Variants in USP12 observed in about 807,000 individuals in gnomAD.
USP12 encodes the protein ubiquitin specific peptidase 12, also known as ubiquitin carboxyl-terminal hydrolase 12.
USP12 carries 19 observed loss-of-function variants against 45.5 expected under a neutral mutation model. That is an observed-to-expected ratio of 0.42 (90% CI 0.29 to 0.61). The LOEUF (loss-of-function observed/expected upper bound fraction) is 0.61. Ranked by LOEUF, USP12 falls within the 20% of genes least tolerant of loss-of-function variation. The pLI is 0.22. For missense variants in USP12, 242 were observed against 447.7 expected (o/e 0.54, Z 4.15); for synonymous variants, 149 against 148.8 (o/e 1.00, Z -0.01).
intron 1 of USP12, among the ~76,000 whole-genome samples, chr13:27,171,291 G>T (rs909476959): frequency 1.1e-4 from 17 of 149,838 alleles, no homozygotes; most frequent in Non-Finnish European, 2.1e-4. Flanking sequence ...TTCAGCCGGG[G>T]ACTCCCGGAG....
At chr13:27,141,990 C>T (rs1391651652) in intron 1 of USP12, among the ~76,000 whole-genome samples, 2 of 143,050 alleles carry the variant, frequency 1.4e-5, no homozygotes, top group Admixed American at 6.7e-5. Flanking sequence ...TACATGATGG[C>T]GTGTGCCTGC....
chr13:27,121,237 C>T (rs3858763), intron 1 of USP12, among the ~76,000 whole-genome samples: 28,193 of 151,138 alleles, frequency 0.19, 3,235 homozygotes, highest in South Asian at 0.29. Context: ...AACATCTTCC[C>T]AAAATTCATA....
At chr13:27,165,449 T>C (rs1486948196) in intron 1 of USP12, among the ~76,000 whole-genome samples, 3 of 152,124 alleles carry the variant, frequency 2.0e-5, no homozygotes, top group Non-Finnish European at 2.9e-5. Context: ...ACAGATTAAT[T>C]AGTAGTGCCA....
At chr13:27,070,369 T>C (rs1035111148) in intron 8 of USP12, among the ~76,000 whole-genome samples, 2 of 152,156 alleles carry the variant, frequency 1.3e-5, no homozygotes, top group African/African-American at 4.8e-5. Context: ...AAATGAATTG[T>C]ATCTTGACCT....
At chr13:27,091,490 C>A (rs1354379483) in intron 4 of USP12, among the ~76,000 whole-genome samples, 1 of 152,260 alleles carries the variant, frequency 6.6e-6, no homozygotes, top group South Asian at 2.1e-4. Flanking sequence ...TGGTGCCAAG[C>A]GGTCATCAAG....
At chr13:27,099,007 G>A (rs1206005909) in intron 3 of USP12, among the ~76,000 whole-genome samples, 1 of 152,200 alleles carries the variant, frequency 6.6e-6, no homozygotes, top group East Asian at 1.9e-4. Context: ...TCTGAGGGGG[G>A]CAGATCACCT....
At chr13:27,124,028 A>T (rs1488480245) in intron 1 of USP12, among the ~76,000 whole-genome samples, 9 of 152,234 alleles carry the variant, frequency 5.9e-5, no homozygotes, top group Admixed American at 5.9e-4. Context: ...TATATATTAA[A>T]TGTGTGAGCA....
At chr13:27,091,289 A>G (rs1031268330) in intron 4 of USP12, among the ~76,000 whole-genome samples, 1 of 152,240 alleles carries the variant, frequency 6.6e-6, no homozygotes, top group African/African-American at 2.4e-5. Context: ...TGTAAGCTAC[A>G]GAGAAGTAAA....
At chr13:27,126,061 C>G (rs1258161331) in intron 1 of USP12, among the ~76,000 whole-genome samples, 2 of 152,372 alleles carry the variant, frequency 1.3e-5, no homozygotes, top group Non-Finnish European at 2.9e-5. Flanking sequence ...GAACAAAAGG[C>G]AGCAGACAGC....
chr13:27,097,947 T>A (rs930862637), intron 3 of USP12, among the ~76,000 whole-genome samples: 3 of 151,754 alleles, frequency 2.0e-5, no homozygotes, highest in Non-Finnish European at 4.4e-5. Flanking sequence ...ATTTGTTTCA[T>A]ATACACCTTA....
At chr13:27,133,626 CAAAAA>C (rs11365356) in intron 1 of USP12, among the ~76,000 whole-genome samples, 1 of 103,422 alleles carries the variant, frequency 9.7e-6, no homozygotes, top group Non-Finnish European at 2.0e-5. Context: ...GACTCTGTCT[CAAAAA>C]AAAAAAAAAA....
chr13:27,089,848 A>G (rs1339062818), intron 6 of USP12, 35 bp downstream of exon 6: 3 of 1,592,056 alleles, frequency 1.9e-6, no homozygotes, highest in East Asian at 2.2e-5. Flanking sequence ...ACAAAAAATA[A>G]AATCACTTAA....
At chr13:27,106,355 T>C (rs1459044162) in intron 2 of USP12, among the ~76,000 whole-genome samples, 1 of 149,964 alleles carries the variant, frequency 6.7e-6, no homozygotes, top group Non-Finnish European at 1.5e-5. Flanking sequence ...TGTCACTACA[T>C]CTTACTGAAC....
chr13:27,156,558 C>T (rs531112670), intron 1 of USP12, among the ~76,000 whole-genome samples: 67 of 152,354 alleles, frequency 4.4e-4, no homozygotes, highest in African/African-American at 1.6e-3. Context: ...TGGCTCACGC[C>T]TGTAATCCCA....
Position 27,098,489 on chromosome 13 carries a change from T to G in USP12, c.344-2659A>C, listed in dbSNP as rs1418822293. On this transcript the variant is annotated intron_variant, in intron 3 of 8. Coordinates refer to ENST00000282344, the MANE Select transcript of USP12 (RefSeq NM_182488.4). ...TGACAAGGGACTGGGAAATAACAAT[T>G]AAAACAATGACAAAATATCATTTTG... Among the ~76,000 whole-genome samples, 5 of 152,212 alleles carry G rather than the reference T, an allele frequency of 3.3e-5. No homozygotes were observed. The East Asian group carries it at 9.6e-4, about 29-fold the overall frequency.
chr13:27,131,264 G>A (rs180964898), intron 1 of USP12, among the ~76,000 whole-genome samples: 2 of 152,278 alleles, frequency 1.3e-5, no homozygotes, highest in East Asian at 3.9e-4. Flanking sequence ...AAACCCTCCT[G>A]GTGAGAGGGT....
At chr13:27,116,221 A>G (rs560465820) in intron 2 of USP12, among the ~76,000 whole-genome samples, 2 of 150,454 alleles carry the variant, frequency 1.3e-5, no homozygotes, top group South Asian at 4.2e-4. Flanking sequence ...CTGAGGCAGG[A>G]GAATGGCGTG....
chr13:27,148,600 G>C (rs1877415510), intron 1 of USP12, among the ~76,000 whole-genome samples: 1 of 149,546 alleles, frequency 6.7e-6, no homozygotes, highest in African/African-American at 2.5e-5. Context: ...CTTGAACCCG[G>C]GAGGCGGAGG....
intron 1 of USP12, among the ~76,000 whole-genome samples, chr13:27,130,636 C>G (rs1876456751): frequency 6.6e-6 from 1 of 151,658 alleles, no homozygotes; most frequent in South Asian, 2.1e-4. Context: ...CTGAGGAATT[C>G]CAGACACTGG....
Sources: gnomAD v4.1 joint callset for allele counts (sites outside exome capture counted in the v4.1 genomes callset) on GRCh38, gnomAD v4.1.1 for gene constraint, MANE v1.5 for transcripts, NCBI Gene and HGNC (gene_info 2026-07-23, HGNC 2026-07-21) for gene names.